Variants in EYS observed in about 807,000 individuals in gnomAD.
EYS encodes the protein protein eyes shut homolog.
A neutral mutation model predicts 282.1 loss-of-function variants in EYS; 250 were observed. The ratio of observed to expected loss-of-function variants is 0.89; its 90% CI spans 0.80 to 0.98. The LOEUF is 0.98. Among genes scored for constraint, EYS ranks in the 50% least tolerant of loss-of-function variants. EYS has a pLI of 0.00. For missense variants in EYS, 4,016 were observed against 3,709.0 expected (o/e 1.08, Z -2.15); for synonymous variants, 1,355 against 1,282.9 (o/e 1.06, Z -1.20).
At chr6:65,686,208 T>A (rs1408009340) in intron 1 of EYS, among the ~76,000 whole-genome samples, 1 of 152,006 alleles carries the variant, frequency 6.6e-6, no homozygotes, top group African/African-American at 2.4e-5. Context: ...AGGTCTTTAT[T>A]TAGACTGTAT....
At position 65,188,574 on chromosome 6, in the gene EYS, T is replaced by G. The variant is rs147023444; in HGVS notation, c.2023+107289A>C. Among the ~76,000 whole-genome samples the G allele has an allele frequency of 7.4e-3, 1,128 of 151,654 alleles. 16 individuals carry two copies. The highest frequency in any genetic ancestry group is 0.012 in the Non-Finnish European group (809 of 67,760). On this transcript the variant is annotated intron_variant, in intron 12 of 42. Coordinates refer to ENST00000503581, the MANE Select transcript of EYS (RefSeq NM_001142800.2). ...CTCAGAACTTGTGAATGCGCATGAA[T>G]GCACACAGCAAAGGAGAATTAAGGT... is the stretch of plus-strand genomic sequence containing the variant.
intron 14 of EYS, among the ~76,000 whole-genome samples, chr6:64,946,639 A>G (rs974900331): frequency 1.3e-5 from 2 of 151,976 alleles, no homozygotes; most frequent in Non-Finnish European, 2.9e-5. Flanking sequence ...AAAACGGTAA[A>G]ATCAATGTTA....
At chr6:64,890,054 C>CCCCG (rs1767234546) in intron 18 of EYS, among the ~76,000 whole-genome samples, 1 of 150,194 alleles carries the variant, frequency 6.7e-6, no homozygotes, top group African/African-American at 2.5e-5. Flanking sequence ...TGCCCCCCCC[C>CCCCG]CCCAAGGTGT....
intron 12 of EYS, among the ~76,000 whole-genome samples, chr6:65,101,406 CCTT>C (rs931755558): frequency 6.6e-5 from 10 of 151,090 alleles, no homozygotes; most frequent in African/African-American, 2.2e-4. Flanking sequence ...ATAAAGTGGT[CCTT>C]CTTCATTACT....
At chr6:64,550,235 C>A (rs1428280625) in intron 26 of EYS, among the ~76,000 whole-genome samples, 2 of 152,060 alleles carry the variant, frequency 1.3e-5, no homozygotes, top group Non-Finnish European at 2.9e-5. Flanking sequence ...GATTTATAAT[C>A]CTTTGGGTAT....
chr6:65,537,987 A>G (rs1768022685), intron 2 of EYS, among the ~76,000 whole-genome samples: 1 of 152,200 alleles, frequency 6.6e-6, no homozygotes, highest in African/African-American at 2.4e-5. Flanking sequence ...TTTGCCTCTT[A>G]GTAGCTGTGT....
intron 36 of EYS, among the ~76,000 whole-genome samples, chr6:63,828,942 A>G (rs1339910381): frequency 6.6e-6 from 1 of 152,246 alleles, no homozygotes; most frequent in Non-Finnish European, 1.5e-5. Context: ...AACTAAAAGT[A>G]GAACTACCAT....
chr6:65,415,251 G>A (rs1331973635), intron 5 of EYS, among the ~76,000 whole-genome samples: 1 of 151,966 alleles, frequency 6.6e-6, no homozygotes, highest in Non-Finnish European at 1.5e-5. Context: ...TCAAAGGATG[G>A]TCCCTTAACC....
chr6:65,118,621 T>C (rs1446616917), intron 12 of EYS, among the ~76,000 whole-genome samples: 2 of 152,226 alleles, frequency 1.3e-5, no homozygotes, highest in Non-Finnish European at 2.9e-5. Context: ...GTGAATTGTG[T>C]CATCTGCACA....
chr6:63,778,506 C>G (rs1770125170), intron 39 of EYS, among the ~76,000 whole-genome samples: 1 of 152,000 alleles, frequency 6.6e-6, no homozygotes, highest in Non-Finnish European at 1.5e-5. Context: ...AAAAGTTGAA[C>G]ATCATAAATA....
At chr6:65,157,323 T>A (rs1764751744) in intron 12 of EYS, among the ~76,000 whole-genome samples, 4 of 150,976 alleles carry the variant, frequency 2.6e-5, no homozygotes, top group Admixed American at 2.6e-4. Flanking sequence ...AAATGTTTAC[T>A]AGCCATTGAA....
chr6:63,805,161 T>G (rs370515734), intron 37 of EYS, among the ~76,000 whole-genome samples: 5 of 152,298 alleles, frequency 3.3e-5, no homozygotes, highest in African/African-American at 1.2e-4. Context: ...TGTTACAATA[T>G]GTTGATCTCA....
intron 13 of EYS, among the ~76,000 whole-genome samples, chr6:65,012,394 T>G (rs955215496): frequency 2.0e-5 from 3 of 152,216 alleles, no homozygotes; most frequent in Admixed American, 6.5e-5. Context: ...ATAAGGCTAC[T>G]TATTCACTAA....
intron 22 of EYS, among the ~76,000 whole-genome samples, chr6:64,724,149 C>G (rs1450410751): frequency 1.3e-5 from 2 of 151,880 alleles, no homozygotes. Flanking sequence ...TGATAGTAAA[C>G]TTGAGGAGCT....
At chr6:63,788,923 C>A in intron 38 of EYS, 135 bp downstream of exon 38, 1 of 779,164 alleles carries the variant, frequency 1.3e-6, no homozygotes, top group Non-Finnish European at 2.0e-6. Flanking sequence ...TCTCTCTATT[C>A]CCCTAGTTGG....
chr6:63,951,302 A>AACGTCACTTTC (rs1562112176), intron 35 of EYS, among the ~76,000 whole-genome samples: 1 of 152,064 alleles, frequency 6.6e-6, no homozygotes, highest in East Asian at 1.9e-4. Context: ...ATATCCAAAA[A>AACGTCACTTTC]ACGTCACTTT....
At chr6:64,058,806 T>C (rs189463048) in intron 33 of EYS, among the ~76,000 whole-genome samples, 16 of 152,342 alleles carry the variant, frequency 1.1e-4, no homozygotes, top group Admixed American at 9.1e-4. Flanking sequence ...CTTTTAAGAA[T>C]TGAAGTTTAT....
intron 26 of EYS, among the ~76,000 whole-genome samples, chr6:64,572,086 T>C (rs1765744243): frequency 6.6e-6 from 1 of 151,710 alleles, no homozygotes; most frequent in Admixed American, 6.6e-5. Context: ...ATCCACCCAG[T>C]TGGCTTCATC....
chr6:64,575,418 A>C (rs1765851571), intron 26 of EYS, among the ~76,000 whole-genome samples: 1 of 152,162 alleles, frequency 6.6e-6, no homozygotes, highest in Non-Finnish European at 1.5e-5. Context: ...CATAACCTCA[A>C]GTTGTTAAAG....
Sources: gnomAD v4.1 joint callset for allele counts (sites outside exome capture counted in the v4.1 genomes callset) on GRCh38, gnomAD v4.1.1 for gene constraint, MANE v1.5 for transcripts, NCBI Gene and HGNC (gene_info 2026-07-23, HGNC 2026-07-21) for gene names.